Variants in CADM2 observed in about 807,000 individuals in gnomAD.
CADM2 encodes the protein immunoglobulin superfamily member 4D.
Under a neutral mutation model 49.8 loss-of-function variants are expected in CADM2, and 12 were observed. That is an observed-to-expected ratio of 0.24 (90% confidence interval 0.15 to 0.39). The LOEUF is 0.39. CADM2 is among the 10% of genes least tolerant of loss of function. The pLI is 1.00. For synonymous variants in CADM2, 214 were observed against 175.4 expected (o/e 1.22, Z -1.74); for missense variants, 378 against 492.3 (o/e 0.77, Z 2.20).
chr3:85,407,718 C>T (rs1423042411), intron 1 of CADM2, among the ~76,000 whole-genome samples: 2 of 152,052 alleles, frequency 1.3e-5, no homozygotes, highest in African/African-American at 2.4e-5. Flanking sequence ...AGCAGGGGCT[C>T]ACAACTGTAA....
intron 1 of CADM2, among the ~76,000 whole-genome samples, chr3:85,581,161 C>T (rs1298259116): frequency 1.3e-5 from 2 of 152,070 alleles, no homozygotes; most frequent in Non-Finnish European, 2.9e-5. Flanking sequence ...CTTGAATTTA[C>T]ATTGCACGTA....
chr3:84,996,086 C>G (rs1304441098), intron 1 of CADM2, among the ~76,000 whole-genome samples: 2 of 152,078 alleles, frequency 1.3e-5, no homozygotes, highest in Non-Finnish European at 2.9e-5. Flanking sequence ...CTCTCCCAAC[C>G]CTGTTTGCTG....
At chr3:85,052,741 C>T (rs138533955) in intron 1 of CADM2, among the ~76,000 whole-genome samples, 561 of 152,054 alleles carry the variant, frequency 3.7e-3, no homozygotes, top group Non-Finnish European at 5.5e-3. Flanking sequence ...ATTTTAAAAC[C>T]ATTCTACTTT....
intron 1 of CADM2, among the ~76,000 whole-genome samples, chr3:85,473,308 A>C (rs1206243018): frequency 2.0e-5 from 3 of 152,048 alleles, no homozygotes; most frequent in Non-Finnish European, 4.4e-5. Flanking sequence ...TGCATAACTC[A>C]TTCTTATTGG....
At chr3:85,474,097 A>G (rs1328620983) in intron 1 of CADM2, among the ~76,000 whole-genome samples, 1 of 151,892 alleles carries the variant, frequency 6.6e-6, no homozygotes, top group Non-Finnish European at 1.5e-5. Context: ...TATATTCTCA[A>G]TATTTGTATT....
At chr3:85,582,761 C>G (rs2062833383) in intron 1 of CADM2, among the ~76,000 whole-genome samples, 1 of 152,072 alleles carries the variant, frequency 6.6e-6, no homozygotes, top group Non-Finnish European at 1.5e-5. Flanking sequence ...AATTAGACAA[C>G]AGAAAGTACT....
chr3:85,223,720 C>T (rs576464929), intron 1 of CADM2, among the ~76,000 whole-genome samples: 1 of 152,026 alleles, frequency 6.6e-6, no homozygotes, highest in East Asian at 1.9e-4. Context: ...CGTCACTTAC[C>T]TTAGATATTT....
chr3:85,265,388 T>C (rs79566730), intron 1 of CADM2, among the ~76,000 whole-genome samples: 12,127 of 151,988 alleles, frequency 0.08, 1,017 homozygotes, highest in Admixed American at 0.25. Context: ...TGGCTTATGG[T>C]TCTAGAGGCT....
intron 1 of CADM2, among the ~76,000 whole-genome samples, chr3:85,307,385 T>G (rs969602206): frequency 2.6e-5 from 4 of 151,720 alleles, no homozygotes; most frequent in African/African-American, 9.7e-5. Context: ...TATTCATACA[T>G]TCACTACTGA....
intron 1 of CADM2, among the ~76,000 whole-genome samples, chr3:85,329,303 G>A (rs532137457): frequency 6.6e-6 from 1 of 152,164 alleles, no homozygotes; most frequent in South Asian, 2.1e-4. Flanking sequence ...TTCGGAGGCC[G>A]AGGGAGGAAG....
intron 1 of CADM2, among the ~76,000 whole-genome samples, chr3:85,171,718 T>C (rs1033842742): frequency 6.6e-6 from 1 of 152,212 alleles, no homozygotes; most frequent in Non-Finnish European, 1.5e-5. Context: ...ATTTTGTATG[T>C]ACAGTTGCAT....
In CADM2 at chr3:85,976,130, T is replaced by A. The variant is rs533939300; in HGVS notation, c.970+14483T>A. ...TGCATGTATATAATTTCTCTGCGTA[T>A]GAATTAGTATTTTTCAATATTGGGG... On this transcript the variant is annotated intron_variant, in intron 8 of 9. Transcript: ENST00000383699. Among the ~76,000 whole-genome samples the A allele has an allele frequency of 2.0e-5, 3 of 151,768 alleles. No individual in the cohort carries two copies. In the South Asian group the frequency reaches 6.2e-4, roughly 31 times the overall value.
At chr3:85,407,884 C>T (rs1478251907) in intron 1 of CADM2, among the ~76,000 whole-genome samples, 1 of 151,640 alleles carries the variant, frequency 6.6e-6, no homozygotes, top group Non-Finnish European at 1.5e-5. Context: ...TGGTGTGTGC[C>T]TGCAGTCCTA....
chr3:86,017,747 A>G (rs76955852), intron 8 of CADM2, among the ~76,000 whole-genome samples: 2,326 of 151,206 alleles, frequency 0.015, 57 homozygotes, highest in African/African-American at 0.053. Flanking sequence ...AAAAAGAAAG[A>G]AAAAGAAGAA....
intron 1 of CADM2, among the ~76,000 whole-genome samples, chr3:85,279,352 T>A (rs1423053315): frequency 6.6e-6 from 1 of 151,530 alleles, no homozygotes; most frequent in Non-Finnish European, 1.5e-5. Flanking sequence ...TGAAGATGTT[T>A]AAAGAAAACA....
chr3:85,224,174 G>T (rs1466203788), intron 1 of CADM2, among the ~76,000 whole-genome samples: 4 of 152,114 alleles, frequency 2.6e-5, no homozygotes, highest in African/African-American at 7.2e-5. Flanking sequence ...TTGAGGAATC[G>T]CCATGCTGTC....
At chr3:86,047,132 T>C (rs1427516849) in intron 8 of CADM2, among the ~76,000 whole-genome samples, 1 of 152,138 alleles carries the variant, frequency 6.6e-6, no homozygotes, top group Non-Finnish European at 1.5e-5. Flanking sequence ...GATTGTCGTT[T>C]AGTAAAATAA....
chr3:85,684,472 G>T (rs866282604), intron 1 of CADM2, among the ~76,000 whole-genome samples: 36 of 152,184 alleles, frequency 2.4e-4, no homozygotes, highest in African/African-American at 8.7e-4. Flanking sequence ...GAGAGGGAGA[G>T]ACTTAGGTGG....
intron 1 of CADM2, among the ~76,000 whole-genome samples, chr3:85,184,378 T>A (rs924881729): frequency 6.6e-6 from 1 of 152,146 alleles, no homozygotes; most frequent in African/African-American, 2.4e-5. Flanking sequence ...CTTCTGATTA[T>A]CTTCTAGGGC....
Sources: gnomAD v4.1 joint callset for allele counts (sites outside exome capture counted in the v4.1 genomes callset) on GRCh38, gnomAD v4.1.1 for gene constraint, MANE v1.5 for transcripts, NCBI Gene and HGNC (gene_info 2026-07-23, HGNC 2026-07-21) for gene names.